The following ELAPOR2 variants were observed in gnomAD, a reference collection of about 807,000 sequenced individuals.
The protein encoded by ELAPOR2 is endosome/lysosome-associated apoptosis and autophagy regulator family member 2.
A neutral mutation model predicts 120.7 loss-of-function variants in ELAPOR2; 89 were observed. That is an observed-to-expected ratio of 0.74 (90% confidence interval 0.62 to 0.88). The LOEUF is 0.88. Among genes scored for constraint, ELAPOR2 ranks in the 40% least tolerant of loss-of-function variants. The probability of loss-of-function intolerance (pLI) is 0.00; values close to 1 mark genes in which losing one functional copy is unlikely to be tolerated. For missense variants in ELAPOR2, 1,134 were observed against 1,251.6 expected, an observed-to-expected ratio of 0.91 and a Z score of 1.42; for synonymous variants, 444 against 444.9, an observed-to-expected ratio of 1.00 and a Z score of 0.03.
intron 1 of ELAPOR2, among the ~76,000 whole-genome samples, chr7:86,984,900 G>T (rs1056342999): frequency 4.6e-5 from 7 of 151,994 alleles, no homozygotes; most frequent in African/African-American, 1.5e-4. Flanking sequence ...TCCTGGAGCT[G>T]GTTTTTTGAA....
intron 20 of ELAPOR2, among the ~76,000 whole-genome samples, 169 bp from the exon 21 acceptor site, chr7:86,892,058 A>G (rs1313175456): frequency 1.3e-5 from 2 of 152,190 alleles, no homozygotes; most frequent in East Asian, 3.9e-4. Context: ...GTTATCATGT[A>G]TCTACCATTT....
Position 86,878,281 on chromosome 7 carries a change from C to T in ELAPOR2, c.*2190G>A, listed in dbSNP as rs1584292532. On this transcript the variant is annotated 3_prime_UTR_variant, in exon 22 of 22. Transcript: ENST00000450689. ...TCCCCATAATATTCTTTCTGTCATACTTCTTCAGTGCTTGAAATAAAATGA... is the reference window on the plus strand; with the variant it reads ...TCCCCATAATATTCTTTCTGTCATATTTCTTCAGTGCTTGAAATAAAATGA... 6.6e-6 allele frequency: 1 copy of T among 152,280 alleles called. No individual in the cohort carries two copies. Among genetic ancestry groups the T allele is most frequent in the East Asian group, 1.9e-4 (1 of 5,188 alleles). 9.4% of individuals were successfully genotyped at this position (152,280 alleles called of 1,614,324 possible).
intron 17 of ELAPOR2, among the ~76,000 whole-genome samples, chr7:86,907,994 T>C (rs1202357854): frequency 6.6e-6 from 1 of 151,950 alleles, no homozygotes; most frequent in Non-Finnish European, 1.5e-5. Context: ...CATCAAAGTA[T>C]TTAGTAAAGA....
chr7:86,893,692 T>C (rs577774658), intron 19 of ELAPOR2, among the ~76,000 whole-genome samples: 2 of 152,034 alleles, frequency 1.3e-5, no homozygotes, highest in East Asian at 1.9e-4. Context: ...AAGGAGGGCA[T>C]TATTCTGGGT....
intron 11 of ELAPOR2, among the ~76,000 whole-genome samples, chr7:86,918,745 AATATGCTTG>A (rs1789686012): frequency 6.6e-6 from 1 of 152,142 alleles, no homozygotes; most frequent in Non-Finnish European, 1.5e-5. Flanking sequence ...TAACGATGGT[AATATGCTTG>A]AACCTCTTGC....
chr7:86,974,531 C>G (rs985426441), intron 1 of ELAPOR2, among the ~76,000 whole-genome samples: 1 of 150,098 alleles, frequency 6.7e-6, no homozygotes, highest in Non-Finnish European at 1.5e-5. Context: ...ATTTATGACA[C>G]ATTTAAGTGT....
chr7:87,039,019 T>C (rs183307839), intron 1 of ELAPOR2, among the ~76,000 whole-genome samples: 1 of 151,340 alleles, frequency 6.6e-6, no homozygotes, highest in Non-Finnish European at 1.5e-5. Flanking sequence ...TTGACAAAAC[T>C]TTAGCTAGAC....
chr7:86,972,352 C>G (rs1792134242), intron 1 of ELAPOR2, among the ~76,000 whole-genome samples: 1 of 152,044 alleles, frequency 6.6e-6, no homozygotes, highest in African/African-American at 2.4e-5. Flanking sequence ...GCTATAAAAC[C>G]CTAACCCTCC....
intron 19 of ELAPOR2, among the ~76,000 whole-genome samples, chr7:86,896,054 C>G (rs1006035475): frequency 2.0e-5 from 3 of 152,060 alleles, no homozygotes; most frequent in African/African-American, 4.8e-5. Context: ...GGCACTGACC[C>G]TGTGTGCTCT....
intron 10 of ELAPOR2, among the ~76,000 whole-genome samples, chr7:86,924,987 G>A (rs1790001842): frequency 6.6e-6 from 1 of 151,900 alleles, no homozygotes; most frequent in African/African-American, 2.4e-5. Context: ...TAAATTCCAA[G>A]CCCTCTAGGC....
intron 1 of ELAPOR2, among the ~76,000 whole-genome samples, chr7:87,043,181 T>G (rs1794839670): frequency 6.6e-6 from 1 of 151,562 alleles, no homozygotes; most frequent in Non-Finnish European, 1.5e-5. Context: ...CTACCAGAGG[T>G]ACAAGGAGGA....
At chr7:86,984,937 G>T (rs1356039010) in intron 1 of ELAPOR2, among the ~76,000 whole-genome samples, 1 of 152,028 alleles carries the variant, frequency 6.6e-6, no homozygotes, top group Non-Finnish European at 1.5e-5. Flanking sequence ...TAGACTGCTA[G>T]CAAGACTAAT....
chr7:86,892,035 T>C (rs1336704138), intron 20 of ELAPOR2, 146 bp from the exon 21 acceptor site: 1 of 557,282 alleles, frequency 1.8e-6, no homozygotes, highest in African/African-American at 1.9e-5. Context: ...CCTATAGCCA[T>C]AGCAATATGT....
chr7:86,905,842 T>C (rs1788987450), intron 18 of ELAPOR2, among the ~76,000 whole-genome samples: 10 of 152,142 alleles, frequency 6.6e-5, no homozygotes, highest in Admixed American at 6.5e-4. Flanking sequence ...CTGGCAAAGA[T>C]AGTTTACTTC....
chr7:86,911,078 T>C (rs1398951006), intron 15 of ELAPOR2, among the ~76,000 whole-genome samples: 3 of 151,644 alleles, frequency 2.0e-5, no homozygotes, highest in Non-Finnish European at 4.4e-5. Flanking sequence ...AAGCTAGAGG[T>C]GAAGAGAAGA....
At chr7:86,922,352 T>C (rs1256703654) in intron 10 of ELAPOR2, among the ~76,000 whole-genome samples, 1 of 151,836 alleles carries the variant, frequency 6.6e-6, no homozygotes, top group Non-Finnish European at 1.5e-5. Flanking sequence ...CTGTGTATAT[T>C]TTATATTTTA....
Position 86,909,818 on chromosome 7 carries a change from A to G in ELAPOR2, c.2353T>C (p.Phe785Leu), listed in dbSNP as rs1327551283. The change falls in exon 16 of 22, where the codon TTC becomes CTC. Residue 785 changes from phenylalanine (F) to leucine (L), a missense_variant. Around this residue, in one of 3 missense-constraint regions of ELAPOR2, gnomAD observed 831 missense variants for 867.6 expected, o/e 0.96. Transcript: ENST00000450689. ...SSQSIILADT[F>L]IGVTVETTLK... is the part of the protein sequence containing the mutation. The stretch of plus-strand genomic sequence containing the variant: ...TGAACCAAAGGAAGCTTACCTATGA[A>G]TGTATCTGCCAGAATGATGGATTGT... 2 of 1,607,706 alleles carry G rather than the reference A, an allele frequency of 1.2e-6. No homozygotes were observed. Among genetic ancestry groups the G allele is most frequent in the Admixed American group, 1.7e-5 (1 of 59,184 alleles).
intron 1 of ELAPOR2, among the ~76,000 whole-genome samples, chr7:86,985,561 A>C (rs1445447883): frequency 1.3e-5 from 2 of 152,222 alleles, no homozygotes; most frequent in African/African-American, 4.8e-5. Context: ...AATGTAATCC[A>C]TCACATAAAC....
intron 4 of ELAPOR2, 132 bp downstream of exon 4, chr7:86,944,767 C>A: frequency 1.6e-6 from 1 of 622,318 alleles, no homozygotes. Context: ...CTTTTAACAT[C>A]AAAAGGTTCA....
Sources: allele counts gnomAD v4.1 joint callset (sites outside exome capture counted in the v4.1 genomes callset), GRCh38; gene constraint gnomAD v4.1.1; regional missense constraint gnomAD v4.1.1; transcripts MANE v1.5; gene names NCBI Gene and HGNC (gene_info 2026-07-23, HGNC 2026-07-21).